STXBP6: variants seen among roughly 807,000 people sequenced by gnomAD.
STXBP6 encodes syntaxin binding protein 6.
A neutral mutation model predicts 26.9 loss-of-function variants in STXBP6; 21 were observed. The observed-to-expected ratio is 0.78, with a 90% CI of 0.55 to 1.12. STXBP6 has a LOEUF of 1.12. Ranked by LOEUF, STXBP6 falls within the 50% of genes most tolerant of loss-of-function variation. The pLI, the probability that STXBP6 is intolerant of heterozygous loss-of-function variation, is 0.00. For synonymous variants in STXBP6, 97 were observed against 92.6 expected, an observed-to-expected ratio of 1.05 and a Z score of -0.27; for missense variants, 232 against 257.9, an observed-to-expected ratio of 0.90 and a Z score of 0.69.
At chr14:25,039,439 G>C (rs180725368) in intron 1 of STXBP6, among the ~76,000 whole-genome samples, 1 of 152,114 alleles carries the variant, frequency 6.6e-6, no homozygotes, top group African/African-American at 2.4e-5. Context: ...CTCTCATTCT[G>C]TCTTCAGCTG....
chr14:24,940,471 T>A (rs2877686), intron 2 of STXBP6, among the ~76,000 whole-genome samples: 1 of 152,094 alleles, frequency 6.6e-6, no homozygotes, highest in East Asian at 1.9e-4. Flanking sequence ...ATTTTCCCTT[T>A]ATCCTCAATC....
chr14:24,922,231 G>T (rs1170191010), intron 2 of STXBP6, among the ~76,000 whole-genome samples: 1 of 152,008 alleles, frequency 6.6e-6, no homozygotes, highest in Non-Finnish European at 1.5e-5. Flanking sequence ...CAGGCTTAAA[G>T]GGGGGCTTAT....
chr14:25,036,946 T>A, intron 1 of STXBP6, among the ~76,000 whole-genome samples: 1 of 152,292 alleles, frequency 6.6e-6, no homozygotes, highest in East Asian at 1.9e-4. Flanking sequence ...GACCTGCTTT[T>A]TACACGGAAT....
rs1239362548 is a variant in STXBP6, at chr14:24,809,496, C to T, written c.*3213G>A. On this transcript the variant is annotated 3_prime_UTR_variant, in exon 6 of 6. Coordinates refer to ENST00000323944, the MANE Select transcript of STXBP6 (RefSeq NM_001394410.1). ...GTCTTTATTACATTCCAAGCTTTTC[C>T]ATTAGAACATATGTAATGACATTTT... 1.3e-5 allele frequency among the ~76,000 whole-genome samples: 2 copies of T among 152,018 alleles called. No individual in the cohort carries two copies. The highest frequency in any genetic ancestry group is 1.3e-4 in the Admixed American group (2 of 15,262).
intron 1 of STXBP6, among the ~76,000 whole-genome samples, chr14:25,039,076 T>C (rs2075600249): frequency 6.6e-6 from 1 of 152,210 alleles, no homozygotes; most frequent in Non-Finnish European, 1.5e-5. Flanking sequence ...TAGCTTGATT[T>C]AGTCATTCTA....
chr14:24,950,232 G>A (rs1426103044), intron 2 of STXBP6, among the ~76,000 whole-genome samples: 3 of 134,668 alleles, frequency 2.2e-5, no homozygotes, highest in Non-Finnish European at 4.7e-5. Flanking sequence ...TACACTGCTG[G>A]TGAGAGTGTA....
intron 1 of STXBP6, among the ~76,000 whole-genome samples, chr14:24,975,667 C>T (rs770352930): frequency 3.2e-4 from 48 of 152,298 alleles, no homozygotes; most frequent in Non-Finnish European, 5.6e-4. Context: ...AGCAGTATGA[C>T]GCTGACTCAC....
At chr14:24,946,118 T>C (rs1339546685) in intron 2 of STXBP6, among the ~76,000 whole-genome samples, 2 of 152,226 alleles carry the variant, frequency 1.3e-5, no homozygotes, top group Non-Finnish European at 2.9e-5. Context: ...TTTCAACAAG[T>C]CTTTGAGTCT....
chr14:24,962,444 C>T lies in STXBP6; in HGVS notation c.154+12221G>A, dbSNP rs565182305. Among the ~76,000 whole-genome samples the T allele has an allele frequency of 1.4e-4, 22 of 151,984 alleles. 1 individual carries two copies. In the South Asian group the frequency reaches 4.6e-3, roughly 32 times the overall value. ...TCCCAGGTTCAAGCAATTCTCCTGC[C>T]TCTGCCTCCCAAGTAGCTGGGATTA... On this transcript the variant is annotated intron_variant, in intron 2 of 5. Transcript: ENST00000323944.
chr14:25,041,730 CT>C (rs1438519701), intron 1 of STXBP6, among the ~76,000 whole-genome samples: 3 of 152,242 alleles, frequency 2.0e-5, no homozygotes, highest in Non-Finnish European at 2.9e-5. Flanking sequence ...CCACCTCTAC[CT>C]TCCAGAAGCG....
Position 24,843,152 on chromosome 14 carries a change from G to A in STXBP6, c.451+12784C>T, listed in dbSNP as rs908514227. On this transcript the variant is annotated intron_variant, in intron 4 of 5. Transcript: ENST00000323944. ...AACCTCTCTGAGGCTCAGTTTCTTCGCCTGTAAAGCAGGAATAACGATAAC... is the reference window on the plus strand; with the variant it reads ...AACCTCTCTGAGGCTCAGTTTCTTCACCTGTAAAGCAGGAATAACGATAAC... 8.5e-5 allele frequency among the ~76,000 whole-genome samples: 13 copies of A among 152,176 alleles called. 2 individuals carry two copies. Among genetic ancestry groups the A allele is most frequent in the Admixed American group, 3.9e-4 (6 of 15,278 alleles).
chr14:24,980,068 C>G (rs896288509), intron 1 of STXBP6, among the ~76,000 whole-genome samples: 1 of 152,124 alleles, frequency 6.6e-6, no homozygotes, highest in Non-Finnish European at 1.5e-5. Flanking sequence ...TAAATTACTT[C>G]CCTTAAAAGC....
intron 2 of STXBP6, among the ~76,000 whole-genome samples, chr14:24,861,316 A>G (rs1024478710): frequency 4.6e-5 from 7 of 152,124 alleles, no homozygotes; most frequent in African/African-American, 1.7e-4. Flanking sequence ...TAAAAAAAAG[A>G]GGCAGTATTC....
At chr14:24,878,124 G>A (rs968213349) in intron 2 of STXBP6, among the ~76,000 whole-genome samples, 1 of 151,932 alleles carries the variant, frequency 6.6e-6, no homozygotes, top group Non-Finnish European at 1.5e-5. Flanking sequence ...AAGGAGATTA[G>A]CCCTTTGTGA....
At chr14:24,870,225 C>G (rs2069878239) in intron 2 of STXBP6, among the ~76,000 whole-genome samples, 1 of 152,056 alleles carries the variant, frequency 6.6e-6, no homozygotes, top group Admixed American at 6.6e-5. Flanking sequence ...TGGAAGGTAA[C>G]CTATATTAGG....
At chr14:24,813,610 C>T (rs1198500476) in intron 5 of STXBP6, among the ~76,000 whole-genome samples, 4 of 152,188 alleles carry the variant, frequency 2.6e-5, no homozygotes, top group Non-Finnish European at 5.9e-5. Flanking sequence ...GGTTAGGGTT[C>T]TGTGGCTCAG....
chr14:24,817,948 G>C, intron 5 of STXBP6: 3 of 427,660 alleles, frequency 7.0e-6, no homozygotes, highest in Non-Finnish European at 9.4e-6. Context: ...CATCCACTTA[G>C]AGCTGGATCC....
At chr14:24,871,861 A>T (rs931809929) in intron 2 of STXBP6, among the ~76,000 whole-genome samples, 1 of 152,210 alleles carries the variant, frequency 6.6e-6, no homozygotes, top group Admixed American at 6.5e-5. Flanking sequence ...ACTTTAAAAG[A>T]ACCTGCCTCT....
intron 1 of STXBP6, among the ~76,000 whole-genome samples, chr14:25,030,533 G>A (rs2075434330): frequency 6.6e-6 from 1 of 152,088 alleles, no homozygotes; most frequent in African/African-American, 2.4e-5. Context: ...TCATCTTGAG[G>A]GGCAATACAG....
Sources: gnomAD v4.1 joint callset for allele counts (sites outside exome capture counted in the v4.1 genomes callset) on GRCh38, gnomAD v4.1.1 for gene constraint, MANE v1.5 for transcripts, NCBI Gene and HGNC (gene_info 2026-07-23, HGNC 2026-07-21) for gene names.